Variants in ZSCAN25 observed in about 807,000 individuals in gnomAD.
The protein encoded by ZSCAN25 is zinc finger and SCAN domain containing 25, also known as zinc finger and SCAN domain-containing protein 25.
ZSCAN25 carries 27 observed loss-of-function variants against 38.7 expected under a neutral mutation model. The ratio of observed to expected loss-of-function variants is 0.70; its 90% CI spans 0.51 to 0.96. ZSCAN25 has a LOEUF of 0.96. ZSCAN25 is among the 40% of genes least tolerant of loss of function. The probability of loss-of-function intolerance (pLI) is 0.00; values close to 1 mark genes in which losing one functional copy is unlikely to be tolerated. For synonymous variants in ZSCAN25, 273 were observed against 277.7 expected, an observed-to-expected ratio of 0.98 and a Z score of 0.17; for missense variants, 637 against 705.9, an observed-to-expected ratio of 0.90 and a Z score of 1.11.
At chr7:99,706,215 T>G in the ZSCAN25 span, among the ~76,000 whole-genome samples, 2 of 152,192 alleles carry the variant, frequency 1.3e-5, no homozygotes, top group African/African-American at 4.8e-5. Context: ...CTTTTCTTAT[T>G]GAGACACTCC....
At chr7:99,718,952 G>A in the ZSCAN25 span, among the ~76,000 whole-genome samples, 1 of 152,254 alleles carries the variant, frequency 6.6e-6, no homozygotes, top group African/African-American at 2.4e-5. Context: ...AACAAAACAT[G>A]CACAGGATCT....
At chr7:99,688,447 G>A in the ZSCAN25 span, among the ~76,000 whole-genome samples, 1 of 152,224 alleles carries the variant, frequency 6.6e-6, no homozygotes, top group African/African-American at 2.4e-5. Context: ...AAAGGTAAAG[G>A]GATCAATTCA....
rs181657661 is a variant in ZSCAN25, at chr7:99,628,098, A to G, written c.806-1093A>G. On this transcript the variant is annotated intron_variant, in intron 7 of 7. Transcript: ENST00000394152. ...GAGGCCCCCATCTCCACAAAAAGGA[A>G]AAAAAGGGTAACGTGACATTTTTTA... Among the ~76,000 whole-genome samples, 633 of 152,244 alleles carry G rather than the reference A, an allele frequency of 4.2e-3. 5 individuals carry two copies. The highest frequency in any genetic ancestry group is 0.015 in the African/African-American group (614 of 41,530).
chr7:99,692,938 C>T, the ZSCAN25 span, among the ~76,000 whole-genome samples: 1 of 152,320 alleles, frequency 6.6e-6, no homozygotes, highest in East Asian at 1.9e-4. Flanking sequence ...TGTTCCCTTG[C>T]TGGTGAGGAG....
chr7:99,711,577 TAACC>T, the ZSCAN25 span, among the ~76,000 whole-genome samples: 1 of 152,142 alleles, frequency 6.6e-6, no homozygotes, highest in Non-Finnish European at 1.5e-5. Flanking sequence ...AAGACCAGCC[TAACC>T]AACATGGAGA....
chr7:99,659,929 CAGT>C, the ZSCAN25 span: 1 of 152,700 alleles, frequency 6.5e-6, no homozygotes, highest in African/African-American at 2.4e-5. Flanking sequence ...CAGAAAAGCG[CAGT>C]ATTAGGGTGG....
chr7:99,623,098 G>A (rs1031501577), intron 6 of ZSCAN25, among the ~76,000 whole-genome samples: 9 of 152,166 alleles, frequency 5.9e-5, no homozygotes, highest in Non-Finnish European at 1.2e-4. Context: ...GAGCCACCGC[G>A]CCCAGCCACA....
At chr7:99,723,278 C>G in the ZSCAN25 span, among the ~76,000 whole-genome samples, 7 of 152,166 alleles carry the variant, frequency 4.6e-5, no homozygotes, top group Non-Finnish European at 1.0e-4. Flanking sequence ...TCCATTATGA[C>G]TTGTTACTGC....
chr7:99,696,501 A>G, the ZSCAN25 span, among the ~76,000 whole-genome samples: 2 of 152,174 alleles, frequency 1.3e-5, no homozygotes, highest in African/African-American at 4.8e-5. Context: ...TTGGCCTCGT[A>G]GAAATGCAAG....
the ZSCAN25 span, chr7:99,717,592 C>G: frequency 6.2e-7 from 1 of 1,613,696 alleles, no homozygotes; most frequent in Non-Finnish European, 8.5e-7. Flanking sequence ...ATTCTTCATC[C>G]TCAGCTATAG....
the ZSCAN25 span, chr7:99,660,706 A>G: frequency 8.5e-5 from 136 of 1,600,042 alleles, no homozygotes; most frequent in Middle Eastern, 8.3e-4. Flanking sequence ...TCAACGTACA[A>G]CATCACAGCT....
chr7:99,650,233 CTAG>C, the ZSCAN25 span: 1 of 1,612,794 alleles, frequency 6.2e-7, no homozygotes, highest in African/African-American at 1.3e-5. Flanking sequence ...CTTACTGAAC[CTAG>C]TTCCATATTG....
the ZSCAN25 span, among the ~76,000 whole-genome samples, chr7:99,734,633 T>C: frequency 6.6e-6 from 1 of 151,426 alleles, no homozygotes; most frequent in Non-Finnish European, 1.5e-5. Flanking sequence ...TCTCTTTTTT[T>C]TTTTTTGAGA....
At chr7:99,665,358 C>T in the ZSCAN25 span, 1 of 1,610,684 alleles carries the variant, frequency 6.2e-7, no homozygotes, top group South Asian at 1.1e-5. Flanking sequence ...GCACCTCTTA[C>T]CGTCCTTCCA....
chr7:99,709,056 G>T, the ZSCAN25 span: 3 of 1,613,866 alleles, frequency 1.9e-6, no homozygotes, highest in African/African-American at 4.0e-5. Flanking sequence ...GAACTTCTCA[G>T]GCTCTGTCCA....
the ZSCAN25 span, chr7:99,695,904 TCACTGA>T: frequency 2.1e-6 from 3 of 1,413,302 alleles, no homozygotes. Context: ...GGCTGGTAAG[TCACTGA>T]CTGAGGAACT....
the ZSCAN25 span, chr7:99,730,751 G>T: frequency 3.0e-6 from 1 of 330,524 alleles, no homozygotes; most frequent in Non-Finnish European, 5.7e-6. Flanking sequence ...TACCTTCCTG[G>T]GAACCTGCCT....
chr7:99,669,230 C>G, the ZSCAN25 span, among the ~76,000 whole-genome samples: 1 of 152,128 alleles, frequency 6.6e-6, no homozygotes, highest in Admixed American at 6.5e-5. Context: ...TTAATTTCCA[C>G]GGAATTTGTG....
rs1806785832 is a variant in ZSCAN25, at chr7:99,619,802, C to T, written c.196C>T (p.Leu66Phe). 1 of 1,614,264 alleles carries T rather than the reference C, an allele frequency of 6.2e-7. No homozygotes were observed. The highest frequency in any genetic ancestry group is 8.5e-7 in the Non-Finnish European group (1 of 1,180,050). Residue 66 changes from leucine (L) to phenylalanine (F), a missense_variant, in exon 4 of 8, where the codon CTC becomes TTC. Coordinates refer to ENST00000394152, the MANE Select transcript of ZSCAN25 (RefSeq NM_145115.3). ...GGAAGCTCTTAGGGAGCTCCAGGAG[C>T]TCTGTCGTCGGTGGCTGAGGCCCGA... ...PQEALRELQE[L>F]CRRWLRPELH... is the part of the protein sequence containing the mutation.
Sources: gnomAD v4.1 joint callset for allele counts (sites outside exome capture counted in the v4.1 genomes callset) on GRCh38, gnomAD v4.1.1 for gene constraint, MANE v1.5 for transcripts, NCBI Gene and HGNC (gene_info 2026-07-23, HGNC 2026-07-21) for gene names.